The following CIMAP1D variants were observed in gnomAD, a reference collection of about 807,000 sequenced individuals.
CIMAP1D encodes the protein protein CIMAP1D.
At chr19:467,006 ACGGG>A in the CIMAP1D span, among the ~76,000 whole-genome samples, 1 of 89,458 alleles carries the variant, frequency 1.1e-5, no homozygotes, top group Non-Finnish European at 2.1e-5. Flanking sequence ...GAGTGTATGG[ACGGG>A]TGGATAGATG....
the CIMAP1D span, among the ~76,000 whole-genome samples, chr19:488,110 G>C: frequency 2.0e-5 from 3 of 152,168 alleles, no homozygotes; most frequent in Non-Finnish European, 4.4e-5. Flanking sequence ...CGGGGAGCTC[G>C]GCTCTTGGGA....
the CIMAP1D span, among the ~76,000 whole-genome samples, chr19:488,051 G>A: frequency 8.5e-5 from 13 of 152,178 alleles, no homozygotes; most frequent in South Asian, 1.9e-3. Flanking sequence ...CCTCTCACGC[G>A]GACCCCCTGA....
chr19:481,662 G>T, the CIMAP1D span, among the ~76,000 whole-genome samples: 1 of 152,024 alleles, frequency 6.6e-6, no homozygotes, highest in Non-Finnish European at 1.5e-5. Flanking sequence ...ATAATGGGAA[G>T]GATGATGGCA....
the CIMAP1D span, chr19:472,304 TG>T: frequency 1.4e-6 from 1 of 690,720 alleles, no homozygotes. Context: ...ACTGGGGGCC[TG>T]GATCTAAGGG....
chr19:469,281 G>A, the CIMAP1D span, among the ~76,000 whole-genome samples: 2 of 151,012 alleles, frequency 1.3e-5, no homozygotes, highest in African/African-American at 2.5e-5. Flanking sequence ...GAGTGCAGTG[G>A]CTCATGGCTC....
chr19:472,671 C>T, the CIMAP1D span: 1 of 529,398 alleles, frequency 1.9e-6, no homozygotes, highest in Non-Finnish European at 3.4e-6. Context: ...GTGATGCCTG[C>T]ATTGTGAGTC....
At chr19:489,334 C>G in the CIMAP1D span, 3 of 153,260 alleles carry the variant, frequency 2.0e-5, no homozygotes, top group African/African-American at 7.3e-5. Flanking sequence ...TCCCGACCCG[C>G]CGTCGCAGCC....
the CIMAP1D span, chr19:467,672 A>G: frequency 2.5e-6 from 4 of 1,611,194 alleles, no homozygotes; most frequent in African/African-American, 2.7e-5. Flanking sequence ...CCGGCCCTGC[A>G]TGGAGTAGGC....
the CIMAP1D span, among the ~76,000 whole-genome samples, chr19:483,659 T>G: frequency 1.3e-5 from 2 of 152,156 alleles, no homozygotes; most frequent in Non-Finnish European, 2.9e-5. Context: ...CACCCTGCAG[T>G]GGCCGGGACC....
At chr19:475,033 T>A in the CIMAP1D span, 2 of 334,880 alleles carry the variant, frequency 6.0e-6, no homozygotes, top group Non-Finnish European at 1.1e-5. Flanking sequence ...GTCAGCAGAG[T>A]GCGTCTCCCG....
At chr19:476,957 T>C in the CIMAP1D span, among the ~76,000 whole-genome samples, 1 of 152,056 alleles carries the variant, frequency 6.6e-6, no homozygotes, top group Non-Finnish European at 1.5e-5. Flanking sequence ...CTGTAATCCC[T>C]GCACTTTGGG....
At chr19:487,971 T>C in the CIMAP1D span, among the ~76,000 whole-genome samples, 4 of 152,286 alleles carry the variant, frequency 2.6e-5, no homozygotes, top group South Asian at 6.2e-4. Flanking sequence ...TGTCCTGTTC[T>C]GTTCCGATCT....
the CIMAP1D span, among the ~76,000 whole-genome samples, chr19:479,404 T>C: frequency 2.0e-5 from 1 of 50,332 alleles, no homozygotes; most frequent in Non-Finnish European, 5.2e-5. Context: ...TTCTCTTTTT[T>C]TTTTTTTGGG....
At chr19:475,992 T>TTC in the CIMAP1D span, among the ~76,000 whole-genome samples, 42 of 114,024 alleles carry the variant, frequency 3.7e-4, no homozygotes, top group Non-Finnish European at 6.2e-4. Flanking sequence ...GCTAATTTTT[T>TTC]TTTTTTTTTT....
the CIMAP1D span, among the ~76,000 whole-genome samples, chr19:481,810 A>G: frequency 6.0e-5 from 8 of 133,326 alleles, no homozygotes; most frequent in East Asian, 1.7e-3. Context: ...ATGTTGCTCT[A>G]TCACCCAGGC....
the CIMAP1D span, among the ~76,000 whole-genome samples, chr19:485,053 C>G: frequency 6.6e-6 from 1 of 151,132 alleles, no homozygotes; most frequent in Non-Finnish European, 1.5e-5. Context: ...GCAGAACTCA[C>G]AAGATTTTCT....
the CIMAP1D span, chr19:464,503 T>C: frequency 1.5e-6 from 1 of 673,100 alleles, no homozygotes; most frequent in Admixed American, 2.7e-5. Context: ...CCCTTCCCCA[T>C]CCTCCATACA....
the CIMAP1D span, among the ~76,000 whole-genome samples, chr19:465,790 C>G: frequency 1.0e-5 from 1 of 96,192 alleles, no homozygotes; most frequent in Non-Finnish European, 2.1e-5. Flanking sequence ...GATAGCTGGA[C>G]AGATGGGTAG....
At chr19:483,340 C>A in the CIMAP1D span, among the ~76,000 whole-genome samples, 1 of 151,474 alleles carries the variant, frequency 6.6e-6, no homozygotes, top group Non-Finnish European at 1.5e-5. Flanking sequence ...CCAGAGCCAG[C>A]TCTTCAGACA....
Sources: gnomAD v4.1 joint callset for allele counts (sites outside exome capture counted in the v4.1 genomes callset) on GRCh38, gnomAD v4.1.1 for gene constraint, MANE v1.5 for transcripts, NCBI Gene and HGNC (gene_info 2026-07-23, HGNC 2026-07-21) for gene names.